The following MNAT1 variants were observed in gnomAD, a reference collection of about 807,000 sequenced individuals.
MNAT1 encodes CDK-activating kinase assembly factor MAT1.
Under a neutral mutation model 42.0 loss-of-function variants are expected in MNAT1, and 43 were observed. The ratio of observed to expected loss-of-function variants is 1.02; its 90% CI spans 0.80 to 1.32. The LOEUF (loss-of-function observed/expected upper bound fraction) is 1.32, where lower values mean the gene tolerates loss of function less well. Among genes scored for constraint, MNAT1 ranks in the 40% most tolerant of loss-of-function variants. The probability of loss-of-function intolerance (pLI) is 0.00; values close to 1 mark genes in which losing one functional copy is unlikely to be tolerated. For missense variants in MNAT1, 306 were observed against 350.4 expected, an observed-to-expected ratio of 0.87 and a Z score of 1.01; for synonymous variants, 118 against 120.0, an observed-to-expected ratio of 0.98 and a Z score of 0.11.
Position 60,734,777 on chromosome 14 carries a change from G to C in MNAT1, c.-86G>C. ...GTCTCTGCCAAGCGCCTGTTGGTAG[G>C]AACCTGCTTGGTCGCGTCTGAGGGG... is the stretch of plus-strand genomic sequence containing the variant. On this transcript the variant is annotated 5_prime_UTR_variant, in exon 1 of 8. Transcript: ENST00000261245. This position sits in a 1 kb window ranked among gnomAD's most constrained non-coding sequence, Gnocchi z 4.3. 1 of 1,267,206 alleles carries C rather than the reference G, an allele frequency of 7.9e-7. No homozygotes were observed. Among genetic ancestry groups the C allele is most frequent in the Admixed American group, 1.8e-5 (1 of 55,038 alleles). 78.5% of individuals were successfully genotyped at this position (1,267,206 alleles called of 1,614,324 possible).
intron 7 of MNAT1, among the ~76,000 whole-genome samples, chr14:60,881,988 C>G (rs1207730060): frequency 1.3e-5 from 2 of 151,960 alleles, no homozygotes; most frequent in East Asian, 3.9e-4. Flanking sequence ...GATGAAACCC[C>G]GACTCTACTA....
intron 1 of MNAT1, among the ~76,000 whole-genome samples, chr14:60,751,375 A>G (rs1482702340): frequency 6.6e-6 from 1 of 152,002 alleles, no homozygotes; most frequent in Non-Finnish European, 1.5e-5. Context: ...TTCTCTTTAT[A>G]TTTTATTTTC....
intron 7 of MNAT1, among the ~76,000 whole-genome samples, chr14:60,942,507 G>C (rs1452074257): frequency 1.4e-5 from 2 of 146,542 alleles, no homozygotes; most frequent in Non-Finnish European, 3.0e-5. Flanking sequence ...TATTCATATA[G>C]TAATCTCGCG....
At chr14:60,814,359 A>G (rs2032646709) in intron 5 of MNAT1, among the ~76,000 whole-genome samples, 1 of 152,142 alleles carries the variant, frequency 6.6e-6, no homozygotes, top group Admixed American at 6.5e-5. Context: ...TTTGATACTT[A>G]TAACCCTGTA....
At chr14:60,747,275 C>T (rs1479774105) in intron 1 of MNAT1, among the ~76,000 whole-genome samples, 1 of 151,960 alleles carries the variant, frequency 6.6e-6, no homozygotes, top group Non-Finnish European at 1.5e-5. Flanking sequence ...TGAGCCAATG[C>T]GCCCTGCCCA....
At chr14:60,771,118 G>A (rs6573331) in intron 1 of MNAT1, among the ~76,000 whole-genome samples, 141,361 of 152,214 alleles carry the variant, frequency 0.93, 66,128 homozygotes, top group Non-Finnish European at 0.99. Context: ...AGGAAATGCC[G>A]TTTTGTTCTT....
Position 60,811,164 on chromosome 14 carries a change from G to A in MNAT1, c.421-823G>A, listed in dbSNP as rs181610107. Among the ~76,000 whole-genome samples the A allele has an allele frequency of 3.5e-4, 54 of 152,134 alleles. 2 individuals are homozygous for A. The East Asian group carries it at 4.4e-3, about 12-fold the overall frequency. On this transcript the variant is annotated intron_variant, in intron 4 of 7. Coordinates refer to ENST00000261245, the MANE Select transcript of MNAT1 (RefSeq NM_002431.4). ...CTCTTTGTTTCAGTGAATGGTGCCA[G>A]CATTCATCCAAGTGTTCAATCCATA...
At chr14:60,864,811 G>A (rs966453878) in intron 6 of MNAT1, among the ~76,000 whole-genome samples, 2 of 151,896 alleles carry the variant, frequency 1.3e-5, no homozygotes, top group African/African-American at 4.8e-5. Flanking sequence ...TGTGCATTTG[G>A]TTTGGGGAAG....
At chr14:60,961,603 C>T (rs1485047615) in intron 7 of MNAT1, among the ~76,000 whole-genome samples, 1 of 152,064 alleles carries the variant, frequency 6.6e-6, no homozygotes, top group Non-Finnish European at 1.5e-5. Context: ...TCATCAAGCC[C>T]TACTTTCTCA....
chr14:60,940,584 A>G (rs1401408422), intron 7 of MNAT1, among the ~76,000 whole-genome samples: 1 of 151,914 alleles, frequency 6.6e-6, no homozygotes, highest in Non-Finnish European at 1.5e-5. Context: ...CGCCCAGCTA[A>G]TTTTTTGTAT....
chr14:60,809,115 A>T (rs2032465796), intron 4 of MNAT1: 1 of 152,122 alleles, frequency 6.6e-6, no homozygotes, highest in African/African-American at 2.4e-5. Flanking sequence ...GCAATTGTCT[A>T]ATTTATACAC....
At chr14:60,769,382 C>G (rs1200650430) in intron 1 of MNAT1, among the ~76,000 whole-genome samples, 1 of 152,210 alleles carries the variant, frequency 6.6e-6, no homozygotes, top group African/African-American at 2.4e-5. Flanking sequence ...AGTGATCTTC[C>G]TGCCTCAGCC....
Position 60,938,642 on chromosome 14 carries a change from T to C in MNAT1, c.810-29587T>C, listed in dbSNP as rs2036064958. ...TGCTGGATTTGGTTTGCCAGTATTT[T>C]TTTGAGAATTTTTGTATCAATGTTC... On this transcript the variant is annotated intron_variant, in intron 7 of 7. Coordinates refer to ENST00000261245, the MANE Select transcript of MNAT1 (RefSeq NM_002431.4). 1.3e-5 allele frequency among the ~76,000 whole-genome samples: 2 copies of C among 152,236 alleles called. 1 individual carries two copies. Among genetic ancestry groups the C allele is most frequent in the South Asian group, 4.1e-4 (2 of 4,826 alleles).
intron 1 of MNAT1, among the ~76,000 whole-genome samples, chr14:60,760,978 A>C (rs1342757425): frequency 6.6e-6 from 1 of 152,224 alleles, no homozygotes; most frequent in Non-Finnish European, 1.5e-5. Context: ...GATTTTGCAC[A>C]TTTTGGGTGC....
chr14:60,885,272 A>G (rs1208463672), intron 7 of MNAT1, among the ~76,000 whole-genome samples: 1 of 151,796 alleles, frequency 6.6e-6, no homozygotes, highest in Non-Finnish European at 1.5e-5. Context: ...TTATGAATAA[A>G]CGTTCTACCC....
At chr14:60,768,760 A>G (rs982166169) in intron 1 of MNAT1, among the ~76,000 whole-genome samples, 5 of 152,218 alleles carry the variant, frequency 3.3e-5, no homozygotes, top group Middle Eastern at 3.2e-3. Context: ...GCCTAAGGAA[A>G]CAAACTAGTA....
In MNAT1 at chr14:60,746,897, C is replaced by CAT. The variant is rs1173508656; in HGVS notation, c.89+11972_89+11973dup. Among the ~76,000 whole-genome samples, 56 of 21,696 alleles carry CAT rather than the reference C, an allele frequency of 2.6e-3. 1 individual carries two copies. Among genetic ancestry groups the CAT allele is most frequent in the South Asian group, 0.011 (5 of 460 alleles). The allele number at this position is 21,696 out of a possible 152,430, so 14.2% of individuals were successfully genotyped here. On this transcript the variant is annotated intron_variant, in intron 1 of 7. Transcript: ENST00000261245. ...GGGAATCCTTTTTAAAGATTCATTT[C>CAT]ATATATATATATATATATATATATA...
chr14:60,857,943 A>G (rs2139428628), intron 6 of MNAT1, among the ~76,000 whole-genome samples: 1 of 152,248 alleles, frequency 6.6e-6, no homozygotes, highest in East Asian at 1.9e-4. Flanking sequence ...CATGGTGTAT[A>G]TGTGCCACAT....
intron 1 of MNAT1, among the ~76,000 whole-genome samples, chr14:60,781,162 G>A (rs186896331): frequency 7.9e-5 from 12 of 152,188 alleles, no homozygotes; most frequent in Admixed American, 7.2e-4. Context: ...CCTGTGAAGG[G>A]ATGGATATTT....
Sources: gnomAD v4.1 joint callset for allele counts (sites outside exome capture counted in the v4.1 genomes callset) on GRCh38, gnomAD v4.1.1 for gene constraint, Gnocchi (gnomAD v3.1) non-coding constraint, MANE v1.5 for transcripts, NCBI Gene and HGNC (gene_info 2026-07-23, HGNC 2026-07-21) for gene names.